Variants in CD109 observed in about 807,000 individuals in gnomAD.
CD109 encodes CD109 molecule.
Under a neutral mutation model 165.8 loss-of-function variants are expected in CD109, and 149 were observed. That is an observed-to-expected ratio of 0.90 (90% CI 0.79 to 1.03). The LOEUF is 1.03. Among genes scored for constraint, CD109 ranks in the 50% least tolerant of loss-of-function variants. The pLI, the probability that CD109 is intolerant of heterozygous loss-of-function variation, is 0.00. For synonymous variants in CD109, 585 were observed against 592.1 expected, an observed-to-expected ratio of 0.99 and a Z score of 0.18; for missense variants, 1,712 against 1,677.8, an observed-to-expected ratio of 1.02 and a Z score of -0.36.
intron 5 of CD109, among the ~76,000 whole-genome samples, chr6:73,750,991 C>CA (rs1773169441): frequency 6.6e-6 from 1 of 152,112 alleles, no homozygotes; most frequent in Non-Finnish European, 1.5e-5. Context: ...TATGTCCAGT[C>CA]TAATAAAATA....
intron 2 of CD109, among the ~76,000 whole-genome samples, chr6:73,722,504 A>G (rs983891142): frequency 1.3e-5 from 2 of 152,168 alleles, no homozygotes; most frequent in African/African-American, 4.8e-5. Flanking sequence ...CTGCTCTCAC[A>G]TGATAGACCC....
At chr6:73,796,195 A>G (rs1775158091) in intron 23 of CD109, among the ~76,000 whole-genome samples, 1 of 152,168 alleles carries the variant, frequency 6.6e-6, no homozygotes, top group African/African-American at 2.4e-5. Flanking sequence ...ATAATGTAAA[A>G]GGGATCTTAG....
chr6:73,707,965 TA>T (rs1771352229), intron 2 of CD109, among the ~76,000 whole-genome samples: 23 of 1,292 alleles, frequency 0.018, no homozygotes, highest in African/African-American at 0.023. Flanking sequence ...GTTATCTTTA[TA>T]TATATATATA....
chr6:73,816,183 C>T (rs578176310), intron 30 of CD109, among the ~76,000 whole-genome samples: 3 of 152,282 alleles, frequency 2.0e-5, no homozygotes, highest in African/African-American at 4.8e-5. Flanking sequence ...CCATTCTTCA[C>T]CTTCTTGGGC....
chr6:73,787,320 T>A lies in CD109; in HGVS notation c.2424T>A (p.Leu808=). The change falls in exon 21 of 33, where the codon CTT becomes CTA. Residue 808 remains leucine, a synonymous_variant. Coordinates refer to ENST00000287097, the MANE Select transcript of CD109 (RefSeq NM_133493.5). ...EINATGHQQT[L]LVPSEDGATV... ...ATGCCACAGGCCACCAGCAGACCCT[T>A]CTGGTTCCCAGTGAGGATGGGGCAA... 1 of 1,613,704 alleles carries A rather than the reference T, an allele frequency of 6.2e-7. No individual in the cohort carries two copies.
At chr6:73,723,931 C>T (rs1425370201) in intron 3 of CD109, among the ~76,000 whole-genome samples, 1 of 152,126 alleles carries the variant, frequency 6.6e-6, no homozygotes, top group Non-Finnish European at 1.5e-5. Context: ...GGCTGGTTTG[C>T]TCCTGCTTCT....
chr6:73,694,152 T>C (rs527691113), upstream of CD109: 1 of 152,272 alleles, frequency 6.6e-6, no homozygotes, highest in East Asian at 1.9e-4. Flanking sequence ...GTCTCCCAAA[T>C]TACTGGGATT....
At position 73,763,655 on chromosome 6, in the gene CD109, C is replaced by G. The variant is rs944978728; in HGVS notation, c.1077C>G (p.Val359=). The part of the protein sequence containing the change: ...YIIEFFDYTT[V]LKPSLNFTAT... ...TTGAGTTTTTTGATTATACTACTGTCTTGAAGCCATCTCTCAACTTCACAG... is the reference window on the plus strand; with the variant it reads ...TTGAGTTTTTTGATTATACTACTGTGTTGAAGCCATCTCTCAACTTCACAG... The change falls in exon 10 of 33, where the codon GTC becomes GTG. Residue 359 remains valine (V), a synonymous_variant. Coordinates refer to ENST00000287097, the MANE Select transcript of CD109 (RefSeq NM_133493.5). The G allele has an allele frequency of 6.3e-7, 1 of 1,586,312 alleles. No homozygotes were observed. The highest frequency in any genetic ancestry group is 8.6e-7 in the Non-Finnish European group (1 of 1,163,286).
chr6:73,762,045 C>T (rs1323751253), intron 7 of CD109, among the ~76,000 whole-genome samples: 1 of 152,068 alleles, frequency 6.6e-6, no homozygotes, highest in Non-Finnish European at 1.5e-5. Flanking sequence ...TCACTGCAAC[C>T]TCCACTTCCT....
At chr6:73,779,373 C>T (rs141321904) in intron 15 of CD109, among the ~76,000 whole-genome samples, 212 of 151,978 alleles carry the variant, frequency 1.4e-3, no homozygotes, top group Admixed American at 5.2e-3. Flanking sequence ...CTCAGCCTCC[C>T]GAGTAGTTGG....
chr6:73,739,740 C>T (rs1404254677), intron 5 of CD109, among the ~76,000 whole-genome samples: 2 of 151,864 alleles, frequency 1.3e-5, no homozygotes, highest in African/African-American at 4.8e-5. Context: ...CCCAGCTACT[C>T]GGGAGGCTGA....
intron 23 of CD109, among the ~76,000 whole-genome samples, chr6:73,793,896 A>G (rs565794824): frequency 4.6e-5 from 7 of 152,308 alleles, no homozygotes; most frequent in Admixed American, 2.6e-4. Flanking sequence ...TAAGAGAAAT[A>G]TAGTTCAACG....
intron 3 of CD109, among the ~76,000 whole-genome samples, chr6:73,723,596 A>G (rs923682789): frequency 4.6e-5 from 7 of 152,346 alleles, no homozygotes; most frequent in Admixed American, 2.0e-4. Context: ...TTGCAGGAAC[A>G]TGGATGGAGC....
intron 20 of CD109, among the ~76,000 whole-genome samples, chr6:73,786,436 C>A (rs1312237373): frequency 6.6e-6 from 1 of 151,890 alleles, no homozygotes; most frequent in Admixed American, 6.6e-5. Context: ...ATTTGGCTGA[C>A]AAAGTGGGAA....
intron 2 of CD109, among the ~76,000 whole-genome samples, chr6:73,719,905 T>C (rs1016845906): frequency 1.3e-5 from 2 of 152,226 alleles, no homozygotes; most frequent in African/African-American, 2.4e-5. Flanking sequence ...CAATTCAGTA[T>C]AGAATATAAT....
At position 73,794,915 on chromosome 6, in the gene CD109, A is replaced by AT. The variant is rs549354868; in HGVS notation, c.2878+2114dup. Among the ~76,000 whole-genome samples, 351 of 151,906 alleles carry AT rather than the reference A, an allele frequency of 2.3e-3. 2 individuals are homozygous for AT. The highest frequency in any genetic ancestry group is 3.7e-3 in the Non-Finnish European group (254 of 67,964). On this transcript the variant is annotated intron_variant, in intron 23 of 32. Coordinates refer to ENST00000287097, the MANE Select transcript of CD109 (RefSeq NM_133493.5). ...GTGTTTTAAATATATACGTACAAGAATAACCTTTGTCAAATTTTATTATAA... is the reference window on the plus strand; with the variant it reads ...GTGTTTTAAATATATACGTACAAGAATTAACCTTTGTCAAATTTTATTATAA...
At chr6:73,718,128 T>C (rs924424410) in intron 2 of CD109, among the ~76,000 whole-genome samples, 8 of 151,992 alleles carry the variant, frequency 5.3e-5, no homozygotes, top group African/African-American at 1.2e-4. Context: ...CTGGGCAACA[T>C]AGGGAGACCC....
At chr6:73,744,366 C>T (rs996162122) in intron 5 of CD109, among the ~76,000 whole-genome samples, 2 of 152,090 alleles carry the variant, frequency 1.3e-5, no homozygotes, top group Non-Finnish European at 2.9e-5. Flanking sequence ...TTGTGATGTT[C>T]TTTGACTTCT....
intron 2 of CD109, among the ~76,000 whole-genome samples, chr6:73,720,867 C>A (rs1771925409): frequency 6.6e-6 from 1 of 152,164 alleles, no homozygotes; most frequent in Admixed American, 6.5e-5. Flanking sequence ...GTCTTTCTGG[C>A]TGTGGTCTTT....
Sources: allele counts gnomAD v4.1 joint callset (sites outside exome capture counted in the v4.1 genomes callset), GRCh38; gene constraint gnomAD v4.1.1; transcripts MANE v1.5; gene names NCBI Gene and HGNC (gene_info 2026-07-23, HGNC 2026-07-21).